FAM200C: variants seen among roughly 807,000 people sequenced by gnomAD.
At chr5:160,394,026 A>C in the FAM200C span, 1 of 1,612,186 alleles carries the variant, frequency 6.2e-7, no homozygotes, top group Non-Finnish European at 8.5e-7. Context: ...TTCATTAAAT[A>C]ACTATCATCA....
At chr5:160,396,697 G>GA in the FAM200C span, among the ~76,000 whole-genome samples, 84 of 49,140 alleles carry the variant, frequency 1.7e-3, 4 homozygotes, top group African/African-American at 3.1e-3. Context: ...AAGTCTCTGT[G>GA]GAAAAAAAAA....
the FAM200C span, chr5:160,394,742 C>T: frequency 1.9e-6 from 3 of 1,614,038 alleles, no homozygotes; most frequent in African/African-American, 4.0e-5. Context: ...GGAATTTTCT[C>T]CTAGCATAGA....
At chr5:160,400,029 A>G in the FAM200C span, 1 of 152,290 alleles carries the variant, frequency 6.6e-6, no homozygotes, top group Non-Finnish European at 1.5e-5. Context: ...CGCCTCAGCC[A>G]GGCCCGGGTT....
chr5:160,398,362 C>T, the FAM200C span, among the ~76,000 whole-genome samples: 2 of 152,272 alleles, frequency 1.3e-5, no homozygotes. Context: ...CTGGCCCTGC[C>T]AACTTGGCGA....
chr5:160,394,125 T>C, the FAM200C span: 19 of 1,613,660 alleles, frequency 1.2e-5, no homozygotes, highest in Non-Finnish European at 1.6e-5. Flanking sequence ...TGGAAGAAGT[T>C]GCTCAATTGT....
the FAM200C span, chr5:160,399,754 G>A: frequency 6.6e-6 from 1 of 151,446 alleles, no homozygotes; most frequent in African/African-American, 2.4e-5. Flanking sequence ...CAGCCTCCCG[G>A]GTGAGATAAG....
At chr5:160,394,821 T>C in the FAM200C span, 663 of 1,613,918 alleles carry the variant, frequency 4.1e-4, 1 homozygote, top group African/African-American at 7.1e-3. Context: ...AAGAAGTCTC[T>C]GAAGAGATTG....
the FAM200C span, chr5:160,394,938 A>C: frequency 6.2e-7 from 1 of 1,613,472 alleles, no homozygotes; most frequent in South Asian, 1.1e-5. Flanking sequence ...AGCTGACTGC[A>C]GTCATCCATG....
At chr5:160,396,698 G>GAAAA in the FAM200C span, among the ~76,000 whole-genome samples, 3 of 48,390 alleles carry the variant, frequency 6.2e-5, no homozygotes, top group East Asian at 4.9e-4. Context: ...AGTCTCTGTG[G>GAAAA]AAAAAAAAAA....
chr5:160,393,736 T>C, the FAM200C span: 3 of 1,552,234 alleles, frequency 1.9e-6, no homozygotes, highest in Middle Eastern at 5.0e-4. Flanking sequence ...GCTGTAGCTT[T>C]TGTTCAATGA....
At chr5:160,395,645 C>G in the FAM200C span, 1 of 661,990 alleles carries the variant, frequency 1.5e-6, no homozygotes, top group Non-Finnish European at 2.6e-6. Flanking sequence ...CAGCCTGCAG[C>G]ATGTCAATTC....
chr5:160,394,301 T>C, the FAM200C span: 15 of 1,613,618 alleles, frequency 9.3e-6, no homozygotes, highest in East Asian at 2.7e-4. Flanking sequence ...TGATACTGTG[T>C]TCATCCCAGT....
the FAM200C span, chr5:160,394,008 G>T: frequency 1.9e-6 from 3 of 1,613,100 alleles, no homozygotes; most frequent in African/African-American, 2.7e-5. Context: ...AATTCAGCAA[G>T]ATCATTTTTC....
chr5:160,394,083 C>T, the FAM200C span: 1 of 1,612,710 alleles, frequency 6.2e-7, no homozygotes. Flanking sequence ...CATTTACTTG[C>T]CTCATTAAGA....
At chr5:160,395,413 C>A in the FAM200C span, 1 of 1,614,162 alleles carries the variant, frequency 6.2e-7, no homozygotes, top group Non-Finnish European at 8.5e-7. Context: ...ACTGTGGACG[C>A]TGAGTTCCAT....
chr5:160,394,987 A>G, the FAM200C span: 1 of 1,613,874 alleles, frequency 6.2e-7, no homozygotes, highest in South Asian at 1.1e-5. Flanking sequence ...CTTTAAGAGG[A>G]CTGGCTTTGA....
At chr5:160,393,842 G>A in the FAM200C span, 1 of 1,613,722 alleles carries the variant, frequency 6.2e-7, no homozygotes, top group Non-Finnish European at 8.5e-7. Flanking sequence ...ATGTAAAAGT[G>A]ATGAAAATCC....
the FAM200C span, among the ~76,000 whole-genome samples, chr5:160,396,777 A>T: frequency 6.6e-6 from 1 of 152,068 alleles, no homozygotes; most frequent in Non-Finnish European, 1.5e-5. Context: ...ACTTCAGAAA[A>T]ATCCCTCTCA....
the FAM200C span, among the ~76,000 whole-genome samples, chr5:160,396,699 A>G: frequency 5.7e-3 from 769 of 135,552 alleles, 5 homozygotes; most frequent in Non-Finnish European, 9.8e-3. Context: ...GTCTCTGTGG[A>G]AAAAAAAAAA....
Sources: gnomAD v4.1 joint callset for allele counts (sites outside exome capture counted in the v4.1 genomes callset) on GRCh38, gnomAD v4.1.1 for gene constraint, MANE v1.5 for transcripts.